Variants in UBR3 observed in about 807,000 individuals in gnomAD.
UBR3 encodes ubiquitin protein ligase E3 component n-recognin 3, also known as E3 ubiquitin-protein ligase UBR3.
Under a neutral mutation model 243.2 loss-of-function variants are expected in UBR3, and 85 were observed. That is an observed-to-expected ratio of 0.35 (90% CI 0.29 to 0.42). The LOEUF is 0.42. Among genes scored for constraint, UBR3 ranks in the 10% least tolerant of loss-of-function variants. The pLI, the probability that UBR3 is intolerant of heterozygous loss-of-function variation, is 1.00. For synonymous variants in UBR3, 748 were observed against 799.8 expected, an observed-to-expected ratio of 0.94 and a Z score of 1.09; for missense variants, 1,686 against 2,300.8, an observed-to-expected ratio of 0.73 and a Z score of 5.47.
intron 24 of UBR3, among the ~76,000 whole-genome samples, chr2:169,963,336 C>T (rs1322020774): frequency 6.6e-6 from 1 of 152,120 alleles, no homozygotes; most frequent in East Asian, 1.9e-4. Flanking sequence ...ATCAATTCTT[C>T]CTTTTCTGTA....
intron 24 of UBR3, among the ~76,000 whole-genome samples, chr2:169,960,233 G>T: frequency 1.3e-5 from 1 of 77,094 alleles, no homozygotes; most frequent in Non-Finnish European, 2.5e-5. Context: ...TGGGTGACAA[G>T]AGCAAAAAAA....
At chr2:170,081,627 T>A in intron 38 of UBR3, 99 bp from the exon 39 acceptor site, 3 of 784,912 alleles carry the variant, frequency 3.8e-6, no homozygotes, top group Non-Finnish European at 3.8e-6. Context: ...GAGGCGGAGG[T>A]TGCACTGCGA....
intron 1 of UBR3, among the ~76,000 whole-genome samples, chr2:169,859,414 G>A (rs1171716811): frequency 6.6e-6 from 1 of 152,196 alleles, no homozygotes; most frequent in East Asian, 1.9e-4. Flanking sequence ...TTTGGGGTTT[G>A]AGTATTTTGG....
chr2:169,854,677 C>T (rs1412815301), intron 1 of UBR3, among the ~76,000 whole-genome samples: 14 of 152,038 alleles, frequency 9.2e-5, no homozygotes, highest in Non-Finnish European at 2.9e-5. Context: ...GTACCACTAT[C>T]CACCTTATGA....
intron 23 of UBR3, among the ~76,000 whole-genome samples, chr2:169,955,263 A>G (rs1437118142): frequency 6.7e-6 from 1 of 150,058 alleles, no homozygotes; most frequent in Non-Finnish European, 1.5e-5. Context: ...GAGAGATACT[A>G]TGAGATATTG....
At chr2:170,068,528 ATC>A (rs1328172794) in intron 35 of UBR3, among the ~76,000 whole-genome samples, 14 of 152,312 alleles carry the variant, frequency 9.2e-5, no homozygotes, top group Non-Finnish European at 1.5e-4. Flanking sequence ...CTAAATCATT[ATC>A]TAAGTTTCTA....
At chr2:169,989,879 G>T (rs1190253468) in intron 25 of UBR3, among the ~76,000 whole-genome samples, 1 of 152,120 alleles carries the variant, frequency 6.6e-6, no homozygotes, top group Non-Finnish European at 1.5e-5. Flanking sequence ...GCTTATTCGA[G>T]TTGTCTCCTG....
intron 18 of UBR3, among the ~76,000 whole-genome samples, chr2:169,931,868 A>G (rs1390846912): frequency 1.3e-5 from 2 of 152,160 alleles, no homozygotes; most frequent in African/African-American, 4.8e-5. Context: ...AAATAATTAC[A>G]TAATTATTAA....
chr2:170,024,000 C>A (rs1434001406), intron 30 of UBR3, among the ~76,000 whole-genome samples: 1 of 152,154 alleles, frequency 6.6e-6, no homozygotes, highest in Non-Finnish European at 1.5e-5. Context: ...CCGCGCCTGG[C>A]AGAAAGTCTT....
At chr2:170,005,537 G>T (rs1338365924) in intron 27 of UBR3, among the ~76,000 whole-genome samples, 1 of 152,148 alleles carries the variant, frequency 6.6e-6, no homozygotes, top group Non-Finnish European at 1.5e-5. Context: ...GATAGGATAA[G>T]AAAAACCTGA....
intron 17 of UBR3, 135 bp downstream of exon 17, chr2:169,927,540 T>A: frequency 1.6e-6 from 1 of 640,274 alleles, no homozygotes; most frequent in Non-Finnish European, 2.6e-6. Flanking sequence ...AGAACACCAG[T>A]TGTGTGCTCA....
At chr2:169,978,343 C>T (rs189652067) in intron 24 of UBR3, among the ~76,000 whole-genome samples, 19 of 152,036 alleles carry the variant, frequency 1.2e-4, no homozygotes, top group South Asian at 8.3e-4. Flanking sequence ...TGGGTCTTGG[C>T]GTGACATTTT....
At chr2:169,907,551 T>C (rs962228072) in intron 10 of UBR3, among the ~76,000 whole-genome samples, 4 of 152,114 alleles carry the variant, frequency 2.6e-5, no homozygotes, top group Non-Finnish European at 5.9e-5. Flanking sequence ...TTAAGGTAAT[T>C]TCTTAACTGG....
intron 29 of UBR3, among the ~76,000 whole-genome samples, chr2:170,011,702 A>G (rs1333250068): frequency 6.6e-6 from 1 of 150,724 alleles, no homozygotes; most frequent in East Asian, 1.9e-4. Context: ...GCCTTGGAGA[A>G]TTTTCTGAGG....
chr2:169,912,701 A>G (rs1234697216), intron 10 of UBR3, among the ~76,000 whole-genome samples: 1 of 152,044 alleles, frequency 6.6e-6, no homozygotes, highest in East Asian at 1.9e-4. Flanking sequence ...ATATATTTTC[A>G]ATTTTCTGGA....
intron 8 of UBR3, among the ~76,000 whole-genome samples, 181 bp downstream of exon 8, chr2:169,896,916 T>C (rs2084613324): frequency 6.6e-6 from 1 of 152,164 alleles, no homozygotes. Flanking sequence ...AAAAAAATTA[T>C]AAAATAATAC....
At chr2:170,074,791 C>CT (rs11452079) in intron 36 of UBR3, among the ~76,000 whole-genome samples, 10,246 of 152,128 alleles carry the variant, frequency 0.067, 362 homozygotes, top group Non-Finnish European at 0.085. Flanking sequence ...GTGACTTTCT[C>CT]TAACAGTTGC....
At position 169,932,969 on chromosome 2, in the gene UBR3, G is replaced by A. The variant is rs1476869112; in HGVS notation, c.2624G>A (p.Arg875His). The A allele has an allele frequency of 3.9e-6, 6 of 1,538,766 alleles. No homozygotes were observed. The highest frequency in any genetic ancestry group is 2.1e-5 in the Admixed American group (1 of 47,014). Residue 875 changes from arginine to histidine, a missense_variant, in exon 19 of 39, where the codon CGT becomes CAT. By Grantham distance (29) the Arg-to-His change is conservative. This residue lies in a region of UBR3 where 346 missense variants were observed against 585.8 expected (regional missense o/e 0.59). Transcript: ENST00000272793. ...ATGGTCATTCTTCGAACAGTTTACC[G>A]TAGAGATGTGCAGTCTGCAATGGAC... ...PVMVILRTVY[R>H]RDVQSAMDRY...
At chr2:170,046,890 C>T (rs2091102288) in intron 32 of UBR3, among the ~76,000 whole-genome samples, 1 of 151,950 alleles carries the variant, frequency 6.6e-6, no homozygotes, top group Admixed American at 6.6e-5. Context: ...ATTTAGTGTC[C>T]TTCAGTCCCA....
Sources: allele counts gnomAD v4.1 joint callset (sites outside exome capture counted in the v4.1 genomes callset), GRCh38; gene constraint gnomAD v4.1.1; regional missense constraint gnomAD v4.1.1; transcripts MANE v1.5; gene names NCBI Gene and HGNC (gene_info 2026-07-23, HGNC 2026-07-21).